UBE2D2: variants seen among roughly 807,000 people sequenced by gnomAD.
The protein encoded by UBE2D2 is ubiquitin conjugating enzyme E2 D2, also known as ubiquitin-conjugating enzyme E2 D2.
A neutral mutation model predicts 24.2 loss-of-function variants in UBE2D2; 2 were observed. The ratio of observed to expected loss-of-function variants is 0.08; its 90% CI spans 0.03 to 0.26. The LOEUF is 0.26. Among genes scored for constraint, UBE2D2 ranks in the 10% least tolerant of loss-of-function variants. The probability of loss-of-function intolerance (pLI) is 1.00; values close to 1 mark genes in which losing one functional copy is unlikely to be tolerated. For missense variants in UBE2D2, 44 were observed against 177.6 expected (o/e 0.25, Z 4.28); for synonymous variants, 58 against 56.5 (o/e 1.03, Z -0.12).
At chr5:139,556,065 C>T (rs376299956) in intron 1 of UBE2D2, among the ~76,000 whole-genome samples, 1 of 149,164 alleles carries the variant, frequency 6.7e-6, no homozygotes, top group African/African-American at 2.5e-5. Context: ...GGAGAAACCC[C>T]GTCTCTACTA....
chr5:139,609,888 C>T (rs1754276689), intron 2 of UBE2D2, among the ~76,000 whole-genome samples: 1 of 151,604 alleles, frequency 6.6e-6, no homozygotes, highest in Non-Finnish European at 1.5e-5. Context: ...TCTCCTTCCT[C>T]AGCCTCCCGA....
chr5:139,608,427 CAAAAAAAGAAAGA>C (rs1754240486), intron 2 of UBE2D2, among the ~76,000 whole-genome samples: 1 of 150,972 alleles, frequency 6.6e-6, no homozygotes. Context: ...GAGACTGTCT[CAAAAAAAGAAAGA>C]AAAAAAAGAA....
intron 1 of UBE2D2, among the ~76,000 whole-genome samples, chr5:139,595,627 C>A (rs565473618): frequency 6.6e-6 from 1 of 151,916 alleles, no homozygotes; most frequent in Non-Finnish European, 1.5e-5. Flanking sequence ...AGCCACTGTG[C>A]CCAGCCATGA....
chr5:139,625,309 C>G lies in UBE2D2; in HGVS notation c.399-1447C>G, dbSNP rs190477975. ...TTTTTTTTTTTTGTAGAGACAGGAT[C>G]TCACTATGTTGCACAGGCTGGTCTC... On this transcript the variant is annotated intron_variant, in intron 6 of 6. Coordinates refer to ENST00000398733, the MANE Select transcript of UBE2D2 (RefSeq NM_003339.3). Among the ~76,000 whole-genome samples the G allele has an allele frequency of 7.5e-5, 9 of 119,476 alleles. No homozygotes were observed. The Admixed American group carries it at 8.4e-4, about 11-fold the overall frequency. 78.4% of individuals were successfully genotyped at this position (119,476 alleles called of 152,430 possible).
intron 1 of UBE2D2, among the ~76,000 whole-genome samples, chr5:139,574,735 C>CAAAA (rs75539434): frequency 5.7e-5 from 4 of 70,744 alleles, no homozygotes; most frequent in African/African-American, 1.9e-4. Context: ...GGTGGGGTGG[C>CAAAA]AAAAAAAAAA....
intron 2 of UBE2D2, among the ~76,000 whole-genome samples, chr5:139,602,340 C>T (rs1327684945): frequency 2.6e-5 from 4 of 152,202 alleles, no homozygotes; most frequent in Non-Finnish European, 5.9e-5. Context: ...GCGTGAGCTA[C>T]TGCGCCTGGC....
chr5:139,555,754 C>T (rs1345110101), intron 1 of UBE2D2, among the ~76,000 whole-genome samples: 1 of 151,464 alleles, frequency 6.6e-6, no homozygotes, highest in Non-Finnish European at 1.5e-5. Context: ...TGGTGAAACC[C>T]TGTGTCTACT....
At chr5:139,548,193 A>AAAAAAAAATAAAT in intron 1 of UBE2D2, among the ~76,000 whole-genome samples, 47 of 47,090 alleles carry the variant, frequency 1.0e-3, no homozygotes, top group East Asian at 2.0e-3. Flanking sequence ...ATAAAAAAAA[A>AAAAAAAAATAAAT]AAATAAATAA....
intron 6 of UBE2D2, among the ~76,000 whole-genome samples, chr5:139,626,077 C>CT (rs1033153315): frequency 1.1e-4 from 17 of 150,744 alleles, no homozygotes; most frequent in African/African-American, 2.4e-4. Flanking sequence ...TTTTTTCCCC[C>CT]TTTTTTTTTG....
intron 5 of UBE2D2, among the ~76,000 whole-genome samples, chr5:139,616,086 G>A (rs1428080375): frequency 4.7e-5 from 7 of 150,296 alleles, no homozygotes; most frequent in East Asian, 4.0e-4. Context: ...CACCTGCCTC[G>A]GCCTCCCAAA....
intron 1 of UBE2D2, among the ~76,000 whole-genome samples, chr5:139,545,747 A>G (rs879596253): frequency 1.4e-5 from 2 of 146,790 alleles, no homozygotes; most frequent in African/African-American, 2.5e-5. Flanking sequence ...TTTTGGAAAC[A>G]GAGTCTTGCT....
At chr5:139,536,119 G>A (rs938445615) in intron 1 of UBE2D2, among the ~76,000 whole-genome samples, 2 of 151,228 alleles carry the variant, frequency 1.3e-5, no homozygotes, top group African/African-American at 4.9e-5. Context: ...ATTTATTTGA[G>A]ACTGAGTTTC....
chr5:139,561,165 G>A (rs889960712), upstream of UBE2D2: 2 of 152,686 alleles, frequency 1.3e-5, no homozygotes, highest in African/African-American at 4.8e-5. Context: ...CTCCGCCCAG[G>A]GCTTCGCAGC....
intron 1 of UBE2D2, among the ~76,000 whole-genome samples, chr5:139,529,077 A>G (rs1561494610): frequency 6.6e-6 from 1 of 152,234 alleles, no homozygotes. Flanking sequence ...TGTTCCCAGT[A>G]TATACATCAG....
chr5:139,588,644 A>T (rs1391212660), intron 1 of UBE2D2, among the ~76,000 whole-genome samples: 4 of 152,200 alleles, frequency 2.6e-5, no homozygotes, highest in African/African-American at 7.2e-5. Context: ...CATGAGAAAA[A>T]TCTTTTTTAC....
At chr5:139,554,533 C>G (rs1358682271) in intron 1 of UBE2D2, among the ~76,000 whole-genome samples, 1 of 152,096 alleles carries the variant, frequency 6.6e-6, no homozygotes, top group Non-Finnish European at 1.5e-5. Context: ...GAGCAGTGTT[C>G]CATTGTTTGA....
intron 1 of UBE2D2, among the ~76,000 whole-genome samples, chr5:139,549,158 G>C (rs1479504636): frequency 6.6e-6 from 1 of 152,084 alleles, no homozygotes; most frequent in African/African-American, 2.4e-5. Flanking sequence ...TAAAAGCCCT[G>C]GTTCTAAACC....
At chr5:139,606,633 T>A (rs966429867) in intron 2 of UBE2D2, among the ~76,000 whole-genome samples, 1 of 152,240 alleles carries the variant, frequency 6.6e-6, no homozygotes, top group African/African-American at 2.4e-5. Flanking sequence ...TTTTTTACTA[T>A]CAAAACTTTT....
At chr5:139,570,627 T>G (rs1048511129) in intron 1 of UBE2D2, among the ~76,000 whole-genome samples, 2 of 152,320 alleles carry the variant, frequency 1.3e-5, no homozygotes, top group African/African-American at 4.8e-5. Flanking sequence ...TTCTCCAGCT[T>G]CAGCCTCCAG....
Sources: gnomAD v4.1 joint callset for allele counts (sites outside exome capture counted in the v4.1 genomes callset) on GRCh38, gnomAD v4.1.1 for gene constraint, MANE v1.5 for transcripts, NCBI Gene and HGNC (gene_info 2026-07-23, HGNC 2026-07-21) for gene names.